NECAB2: variants seen among roughly 807,000 people sequenced by gnomAD.
NECAB2 encodes the protein N-terminal EF-hand calcium-binding protein 2.
In NECAB2, 68 loss-of-function variants were observed where a neutral mutation model predicts 51.9. The observed-to-expected ratio is 1.31, with a 90% CI of 1.08 to 1.60. The LOEUF (loss-of-function observed/expected upper bound fraction) is 1.60. Among genes scored for constraint, NECAB2 ranks in the 40% most tolerant of loss-of-function variants. The pLI, the probability that NECAB2 is intolerant of heterozygous loss-of-function variation, is 0.00. For synonymous variants in NECAB2, 329 were observed against 203.5 expected, an observed-to-expected ratio of 1.62 and a Z score of -5.25; for missense variants, 854 against 490.3, an observed-to-expected ratio of 1.74 and a Z score of -7.00.
At position 84,000,688 on chromosome 16, in the gene NECAB2, C is replaced by T. The variant is rs201386310; in HGVS notation, c.963-36C>T. The stretch of plus-strand genomic sequence containing the variant: ...CAGCACTGAGGTGGCCTTGGTTGAG[C>T]TCCAGCCTCCTCCCCCCGACCATCT... On this transcript the variant is annotated intron_variant, in intron 10 of 12. Transcript: ENST00000305202. The T allele has an allele frequency of 1.3e-4, 210 of 1,605,672 alleles. 1 individual carries two copies. The East Asian group carries it at 4.0e-3, about 31-fold the overall frequency.
chr16:84,000,925 A>G (rs563006522), intron 11 of NECAB2, 124 bp downstream of exon 11: 13 of 922,466 alleles, frequency 1.4e-5, no homozygotes, highest in East Asian at 5.0e-5. Context: ...TTCCCGAGGC[A>G]TCTACCCGCT....
At chr16:84,001,783 C>T (rs1196666215) in intron 11 of NECAB2, 42 bp from the exon 12 acceptor site, 21 of 1,606,246 alleles carry the variant, frequency 1.3e-5, no homozygotes, top group Non-Finnish European at 1.8e-5. Flanking sequence ...CGCGGAGCTC[C>T]ACTCCTGCCA....
rs142245143 is a variant in NECAB2, at chr16:83,999,793, ACAGTG to A, written c.963-925_963-921del. Among the ~76,000 whole-genome samples the A allele has an allele frequency of 3.4e-3, 524 of 152,250 alleles. 2 individuals carry two copies. Among genetic ancestry groups the A allele is most frequent in the African/African-American group, 0.011 (470 of 41,558 alleles). On this transcript the variant is annotated intron_variant, in intron 10 of 12. Coordinates refer to ENST00000305202, the MANE Select transcript of NECAB2 (RefSeq NM_019065.3). The stretch of plus-strand genomic sequence containing the variant: ...TCAGCCTCCTTTGGTCAGGTCAGGT[ACAGTG>A]CAGTGGGGGTGTTGCAAGGATTAAA...
At chr16:83,994,820 G>A in intron 8 of NECAB2, 132 bp downstream of exon 8, 1 of 1,043,252 alleles carries the variant, frequency 9.6e-7, no homozygotes, top group Non-Finnish European at 1.4e-6. Flanking sequence ...TCCCCCAGGT[G>A]GGGCGTGGAG....
At chr16:83,996,917 A>C (rs1243140151) in intron 8 of NECAB2, among the ~76,000 whole-genome samples, 2 of 152,128 alleles carry the variant, frequency 1.3e-5, no homozygotes, top group African/African-American at 4.8e-5. Context: ...GTGAATTATA[A>C]GTTACAGGGA....
chr16:84,000,873 G>GC (rs1486972427), intron 11 of NECAB2, 72 bp downstream of exon 11: 5 of 1,498,732 alleles, frequency 3.3e-6, no homozygotes, highest in Non-Finnish European at 4.6e-6. Context: ...CTGGAGCCAG[G>GC]CATCCTTGGA....
chr16:83,981,962 C>A (rs1311124436), intron 5 of NECAB2, among the ~76,000 whole-genome samples: 1 of 152,308 alleles, frequency 6.6e-6, no homozygotes, highest in South Asian at 2.1e-4. Context: ...GCCAGCCAGA[C>A]CTGGCTGAGG....
At position 83,994,583 on chromosome 16, in the gene NECAB2, T is replaced by G. The variant is rs746989724; in HGVS notation, c.716-26T>G. The G allele has an allele frequency of 1.4e-5, 23 of 1,613,718 alleles. No individual in the cohort carries two copies. The South Asian group carries it at 2.4e-4, about 17-fold the overall frequency. ...GCCCTCGTCCTGCCCACCACTGAAG[T>G]CTGTGTGTCTCTTTCTCTACCGCAG... On this transcript the variant is annotated intron_variant, in intron 7 of 12. Coordinates refer to ENST00000305202, the MANE Select transcript of NECAB2 (RefSeq NM_019065.3).
chr16:83,981,455 A>T (rs2084488212), intron 5 of NECAB2, among the ~76,000 whole-genome samples: 1 of 115,050 alleles, frequency 8.7e-6, no homozygotes, highest in African/African-American at 3.4e-5. Flanking sequence ...GGCTTACAAG[A>T]CTGGAAGAGG....
In NECAB2 at chr16:84,002,385, T is replaced by TTCTTCTTGTGAAGGAAA; in HGVS notation, c.*42_*58dup. On this transcript the variant is annotated 3_prime_UTR_variant, in exon 13 of 13. Coordinates refer to ENST00000305202, the MANE Select transcript of NECAB2 (RefSeq NM_019065.3). ...GCCCGTGGAGGAGCCCACCAGCCCC[T>TTCTTCTTGTGAAGGAAA]TCTTCTTGTGAAGGAAATCCCGTTT... is the stretch of plus-strand genomic sequence containing the variant. 6.2e-7 allele frequency: 1 copy of TTCTTCTTGTGAAGGAAA among 1,603,184 alleles called. No individual in the cohort carries two copies. Among genetic ancestry groups the TTCTTCTTGTGAAGGAAA allele is most frequent in the East Asian group, 2.2e-5 (1 of 44,742 alleles).
intron 6 of NECAB2, among the ~76,000 whole-genome samples, chr16:83,992,713 C>G (rs563227057): frequency 2.0e-5 from 3 of 152,248 alleles, no homozygotes; most frequent in East Asian, 1.9e-4. Context: ...CGCTGAATCA[C>G]CTGGGAAAAT....
chr16:83,978,383 C>G, intron 2 of NECAB2, 61 bp from the exon 3 acceptor site: 1 of 1,401,466 alleles, frequency 7.1e-7, no homozygotes, highest in Non-Finnish European at 1.0e-6. Context: ...CGTGCATGCA[C>G]TAGCCCCACC....
chr16:83,977,359 G>C (rs1242964880), intron 2 of NECAB2, among the ~76,000 whole-genome samples: 1 of 152,126 alleles, frequency 6.6e-6, no homozygotes, highest in African/African-American at 2.4e-5. Context: ...TTGCTCAGCA[G>C]GTCTGTTCAG....
At chr16:83,967,517 A>G (rs1272217452), upstream of NECAB2, among the ~76,000 whole-genome samples, 7 of 56,716 alleles carry the variant, frequency 1.2e-4, no homozygotes, top group Non-Finnish European at 2.0e-4. Flanking sequence ...GGGAGGGAGG[A>G]TGGATGGATG....
intron 5 of NECAB2, among the ~76,000 whole-genome samples, chr16:83,983,322 C>G (rs1253639235): frequency 2.6e-5 from 4 of 152,244 alleles, no homozygotes; most frequent in Admixed American, 2.0e-4. Context: ...AACACGTGCC[C>G]CTCTTGCTTC....
chr16:83,990,687 C>A (rs2084612619), intron 6 of NECAB2, 57 bp downstream of exon 6: 3 of 1,590,472 alleles, frequency 1.9e-6, no homozygotes, highest in African/African-American at 1.3e-5. Context: ...CGCGCACGTG[C>A]CCACCTGCTG....
At position 83,994,664 on chromosome 16, in the gene NECAB2, G is replaced by A. The variant is rs2084672246; in HGVS notation, c.771G>A (p.Glu257=). Residue 257 remains glutamate, a synonymous_variant, in exon 8 of 13, where the codon GAG becomes GAA. Coordinates refer to ENST00000305202, the MANE Select transcript of NECAB2 (RefSeq NM_019065.3). ...GLEAQISRLA[E]LIGRLESKAL... is the part of the protein sequence containing the mutation. ...AAGCCCAGATCAGCCGCTTGGCAGA[G>A]CTGATTGGGAGGCTGGAGAGCAAAG... 1 of 1,614,044 alleles carries A rather than the reference G, an allele frequency of 6.2e-7. No homozygotes were observed. The highest frequency in any genetic ancestry group is 1.1e-5 in the South Asian group (1 of 91,092).
intron 5 of NECAB2, among the ~76,000 whole-genome samples, chr16:83,987,636 A>G (rs776853942): frequency 1.3e-5 from 2 of 152,106 alleles, no homozygotes; most frequent in Non-Finnish European, 2.9e-5. Context: ...TGTTACTAAA[A>G]CTTTTCAAAA....
At chr16:83,994,006 C>T (rs962622739) in intron 6 of NECAB2, among the ~76,000 whole-genome samples, 1 of 152,114 alleles carries the variant, frequency 6.6e-6, no homozygotes, top group Non-Finnish European at 1.5e-5. Context: ...GGGGGTGGGT[C>T]CCTGGCTCAG....
Sources: gnomAD v4.1 joint callset for allele counts (sites outside exome capture counted in the v4.1 genomes callset) on GRCh38, gnomAD v4.1.1 for gene constraint, MANE v1.5 for transcripts, NCBI Gene and HGNC (gene_info 2026-07-23, HGNC 2026-07-21) for gene names.